Variants in PATL2 observed in about 807,000 individuals in gnomAD.
PATL2 encodes protein PAT1 homolog 2.
A neutral mutation model predicts 77.0 loss-of-function variants in PATL2; 73 were observed. That is an observed-to-expected ratio of 0.95 (90% CI 0.78 to 1.15). The LOEUF (loss-of-function observed/expected upper bound fraction) is 1.15. PATL2 is among the 50% of genes most tolerant of loss of function. The pLI is 0.00. For missense variants in PATL2, 618 were observed against 655.4 expected (o/e 0.94, Z 0.62); for synonymous variants, 265 against 257.1 (o/e 1.03, Z -0.29).
chr15:44,700,420 G>A (rs1418941994), intron 3 of PATL2, among the ~76,000 whole-genome samples: 4 of 152,100 alleles, frequency 2.6e-5, no homozygotes, highest in African/African-American at 4.8e-5. Context: ...TCCTGCCTCA[G>A]CCTCCCTAGT....
Position 44,669,033 on chromosome 15 carries a change from A to T in PATL2, c.1171T>A (p.Leu391Met), listed in dbSNP as rs1242400295. 6.4e-7 allele frequency: 1 copy of T among 1,551,150 alleles called. No individual in the cohort carries two copies. ...LPQDQAVTILLAITHHLPLLV... is the reference protein window; with the variant it reads ...LPQDQAVTILMAITHHLPLLV... ...AGGGGCAGATGGTGGGTGATAGCCA[A>T]AAGAATGGTAACAGCCTGATCCTGG... Residue 391 changes from leucine to methionine, a missense_variant, in exon 14 of 18, where the codon TTG (leucine) becomes ATG (methionine). Transcript: ENST00000682850.
chr15:44,700,307 C>CT (rs2141262280), intron 3 of PATL2, among the ~76,000 whole-genome samples: 1 of 151,590 alleles, frequency 6.6e-6, no homozygotes, highest in African/African-American at 2.4e-5. Flanking sequence ...TATTTTCTTT[C>CT]TTTTTGTTTT....
chr15:44,673,304 C>G lies in PATL2; in HGVS notation c.377G>C (p.Gly126Ala). 6.4e-7 allele frequency: 1 copy of G among 1,551,606 alleles called. No homozygotes were observed. The highest frequency in any genetic ancestry group is 8.7e-7 in the Non-Finnish European group (1 of 1,146,974). Residue 126 changes from glycine to alanine, a missense_variant, in exon 7 of 18, where the codon GGA becomes GCA. Gly to Ala is a moderately conservative substitution (Grantham distance 60). Transcript: ENST00000682850. Reference protein sequence around the residue: ...PSTSSPAQHFGPRLPSPDPTL... With the variant: ...PSTSSPAQHFAPRLPSPDPTL... Reference sequence around the variant, plus strand: ...TGGGTCTGGTGAGGGCAGCCGAGGTCCAAAGTGCTGTGCTGGAGAGCTGGT... The same window carrying G: ...TGGGTCTGGTGAGGGCAGCCGAGGTGCAAAGTGCTGTGCTGGAGAGCTGGT...
chr15:44,678,298 T>C (rs1473197609), intron 3 of PATL2, among the ~76,000 whole-genome samples: 1 of 152,238 alleles, frequency 6.6e-6, no homozygotes, highest in Non-Finnish European at 1.5e-5. Context: ...GACTAGATCT[T>C]AAGGAGAAAC....
chr15:44,697,270 T>C (rs921729898), intron 3 of PATL2: 5 of 152,286 alleles, frequency 3.3e-5, no homozygotes, highest in African/African-American at 4.8e-5. Flanking sequence ...CTGCTCATTC[T>C]TCTTCCTTCT....
intron 3 of PATL2, among the ~76,000 whole-genome samples, chr15:44,697,585 T>A (rs1308173693): frequency 6.6e-6 from 1 of 152,170 alleles, no homozygotes; most frequent in Non-Finnish European, 1.5e-5. Flanking sequence ...CACCTTCTCA[T>A]TTGCTTCATA....
Position 44,666,543 on chromosome 15 carries a change from T to C in PATL2, c.1464-2A>G. ...GCAATCAGAACCACCATGTCTGTCC[T>C]AGAGAGCATAAATATAAATATAAGC... On this transcript the variant is annotated splice_acceptor_variant, in intron 16 of 17. Coordinates refer to ENST00000682850, the MANE Select transcript of PATL2 (RefSeq NM_001387263.1). LOFTEE classifies it high-confidence loss of function. 1.3e-6 allele frequency: 2 copies of C among 1,525,140 alleles called. No homozygotes were observed. The highest frequency in any genetic ancestry group is 1.8e-6 in the Non-Finnish European group (2 of 1,137,008). The allele number at this position is 1,525,140 out of a possible 1,614,324, so 94.5% of individuals were successfully genotyped here. A position where few individuals can be genotyped will look rare whatever the true frequency, so the allele number is the denominator to read the frequency against.
chr15:44,685,686 T>C (rs908332121), intron 3 of PATL2, among the ~76,000 whole-genome samples: 2 of 151,536 alleles, frequency 1.3e-5, no homozygotes, highest in Non-Finnish European at 2.9e-5. Context: ...AAGACACACA[T>C]AGGTTCAAAA....
At chr15:44,691,641 ACAGAGTGAGACTCTGTCT>A (rs958604738) in intron 3 of PATL2, among the ~76,000 whole-genome samples, 13 of 151,466 alleles carry the variant, frequency 8.6e-5, no homozygotes, top group Non-Finnish European at 1.3e-4. Context: ...AGCCTGAGCC[ACAGAGTGAGACTCTGTCT>A]CAAAAAAAAA....
Position 44,666,478 on chromosome 15 carries a change from T to C in PATL2, c.1527A>G (p.Glu509=), listed in dbSNP as rs2085377856. 2 of 1,551,668 alleles carry C rather than the reference T, an allele frequency of 1.3e-6. No homozygotes were observed. The highest frequency in any genetic ancestry group is 1.2e-5 in the South Asian group (1 of 84,064). ...IAQMPTASLA[E]PLAFPSNLLP... ...GTAGGTTGCTGGGGAAAGCTAGGGG[T>C]TCTGCCAGAGAGGCTGTAGGCATTT... The change falls in exon 17 of 18, where the codon GAA becomes GAG. Residue 509 remains glutamate (E), a synonymous_variant. Transcript: ENST00000682850.
intron 3 of PATL2, among the ~76,000 whole-genome samples, chr15:44,705,374 G>A (rs1347112167): frequency 1.3e-5 from 2 of 152,072 alleles, no homozygotes; most frequent in Admixed American, 6.6e-5. Flanking sequence ...TTGAGACGGG[G>A]TTTCACGATG....
At chr15:44,671,427 G>GGAGGTA (rs1431491449) in intron 9 of PATL2, among the ~76,000 whole-genome samples, 1 of 151,930 alleles carries the variant, frequency 6.6e-6, no homozygotes, top group African/African-American at 2.4e-5. Context: ...AGGTGGAGGT[G>GGAGGTA]GCAGTGAGCT....
chr15:44,670,121 A>G (rs1235691764), intron 9 of PATL2, 34 bp from the exon 10 acceptor site: 1 of 1,549,016 alleles, frequency 6.5e-7, no homozygotes, highest in Non-Finnish European at 8.7e-7. Context: ...CAAAAAAACA[A>G]AACACCTTAT....
chr15:44,691,485 C>T (rs892369881), intron 3 of PATL2, among the ~76,000 whole-genome samples: 2 of 151,924 alleles, frequency 1.3e-5, no homozygotes, highest in Admixed American at 1.3e-4. Flanking sequence ...TAGCAAAAAC[C>T]CGTCTCTACT....
rs1037256670 is a variant in PATL2 at position 44,675,505 on chromosome 15, C to G, written c.203G>C (p.Gly68Ala). 7 of 1,551,600 alleles carry G rather than the reference C, an allele frequency of 4.5e-6. No individual in the cohort carries two copies. The highest frequency in any genetic ancestry group is 6.1e-6 in the Non-Finnish European group (7 of 1,146,892). Residue 68 changes from glycine (G) to alanine (A), a missense_variant, in exon 5 of 18, where the codon GGT becomes GCT. Physicochemically the swap from Gly to Ala is moderately conservative, Grantham distance 60 (BLOSUM62 0). Coordinates refer to ENST00000682850, the MANE Select transcript of PATL2 (RefSeq NM_001387263.1). Reference sequence around the variant, plus strand: ...TGGTACCTGGGTGTTGTGGACAGCACCAAGTACAGCTGGATCCCCAAGATC... The same window carrying G: ...TGGTACCTGGGTGTTGTGGACAGCAGCAAGTACAGCTGGATCCCCAAGATC... The part of the protein sequence containing the change: ...ENDLGDPAVL[G>A]AVHNTQRALL...
intron 3 of PATL2, among the ~76,000 whole-genome samples, chr15:44,684,663 A>C (rs1472266853): frequency 6.6e-6 from 1 of 152,218 alleles, no homozygotes; most frequent in African/African-American, 2.4e-5. Flanking sequence ...AACAAGCTGG[A>C]AAACACTCTT....
Position 44,667,211 on chromosome 15 carries a change from G to A in PATL2, c.1366-8C>T. The A allele has an allele frequency of 6.5e-7, 1 of 1,546,532 alleles. No homozygotes were observed. Among genetic ancestry groups the A allele is most frequent in the Non-Finnish European group, 8.8e-7 (1 of 1,142,772 alleles). ...GAGCAAAGATATTCCAAACTGCAAG[G>A]GACATATATATATTCCAGAGCAAAA... On this transcript the variant is annotated splice_region_variant and splice_polypyrimidine_tract_variant and intron_variant, in intron 15 of 17. Coordinates refer to ENST00000682850, the MANE Select transcript of PATL2 (RefSeq NM_001387263.1).
intron 3 of PATL2, among the ~76,000 whole-genome samples, chr15:44,683,868 C>G (rs2086191263): frequency 6.6e-6 from 1 of 152,098 alleles, no homozygotes; most frequent in Non-Finnish European, 1.5e-5. Context: ...CTTGTGGGTG[C>G]CCCTCTGGGA....
intron 3 of PATL2, among the ~76,000 whole-genome samples, chr15:44,685,561 T>C (rs1490755219): frequency 6.6e-6 from 1 of 151,794 alleles, no homozygotes; most frequent in African/African-American, 2.4e-5. Context: ...TGAGCTGAGA[T>C]TGCGCCTTTG....
Sources: gnomAD v4.1 joint callset for allele counts (sites outside exome capture counted in the v4.1 genomes callset) on GRCh38, gnomAD v4.1.1 for gene constraint, MANE v1.5 for transcripts, NCBI Gene and HGNC (gene_info 2026-07-23, HGNC 2026-07-21) for gene names.